Variants in LDB2 observed in about 807,000 individuals in gnomAD.
The protein encoded by LDB2 is LIM domain-binding protein 2.
A neutral mutation model predicts 44.3 loss-of-function variants in LDB2; 12 were observed. That is an observed-to-expected ratio of 0.27 (90% CI 0.17 to 0.44). LDB2 has a LOEUF of 0.44. Among genes scored for constraint, LDB2 ranks in the 20% least tolerant of loss-of-function variants. LDB2 has a pLI of 1.00. For synonymous variants in LDB2, 164 were observed against 174.8 expected (o/e 0.94, Z 0.49); for missense variants, 344 against 473.5 (o/e 0.73, Z 2.54).
At chr4:16,680,354 A>G (rs1030401854) in intron 2 of LDB2, among the ~76,000 whole-genome samples, 1 of 152,168 alleles carries the variant, frequency 6.6e-6, no homozygotes, top group African/African-American at 2.4e-5. Flanking sequence ...GCAGGGAAAC[A>G]CCATCTGCTT....
Position 16,689,858 on chromosome 4 carries a change from T to A in LDB2, c.235+69300A>T, listed in dbSNP as rs73799218. 2.7e-3 allele frequency among the ~76,000 whole-genome samples: 410 copies of A among 152,340 alleles called. 3 individuals carry two copies. The highest frequency in any genetic ancestry group is 9.1e-3 in the African/African-American group (379 of 41,576). ...CTAAATATTATACAACCTAATGACA[T>A]TGACCGTGTCTTAGAAACTTCTAAG... is the stretch of plus-strand genomic sequence containing the variant. On this transcript the variant is annotated intron_variant, in intron 2 of 7. Transcript: ENST00000304523.
chr4:16,544,994 G>A (rs1428811864), intron 5 of LDB2, among the ~76,000 whole-genome samples: 1 of 152,124 alleles, frequency 6.6e-6, no homozygotes, highest in Non-Finnish European at 1.5e-5. Flanking sequence ...AGAGAACAGC[G>A]AGTGAGGATA....
At chr4:16,560,094 AAT>A (rs1380230347) in intron 5 of LDB2, among the ~76,000 whole-genome samples, 1 of 152,210 alleles carries the variant, frequency 6.6e-6, no homozygotes, top group Non-Finnish European at 1.5e-5. Flanking sequence ...TATAGCACTA[AAT>A]GCCCACAAGA....
chr4:16,800,107 A>G (rs1427433158), intron 1 of LDB2, among the ~76,000 whole-genome samples: 1 of 151,972 alleles, frequency 6.6e-6, no homozygotes, highest in African/African-American at 2.4e-5. Flanking sequence ...ACAAATATAG[A>G]TTTCCAGAAC....
intron 5 of LDB2, among the ~76,000 whole-genome samples, chr4:16,534,265 A>G (rs1731019486): frequency 6.6e-6 from 1 of 152,184 alleles, no homozygotes; most frequent in Admixed American, 6.5e-5. Flanking sequence ...AATATCCTCG[A>G]TGTTCTCATT....
chr4:16,667,490 C>T (rs1034505448), intron 2 of LDB2, among the ~76,000 whole-genome samples: 10 of 152,196 alleles, frequency 6.6e-5, no homozygotes, highest in Admixed American at 3.9e-4. Flanking sequence ...TCTCCTGATT[C>T]TCCATTTGAT....
chr4:16,610,512 G>A (rs1725307402), intron 2 of LDB2, among the ~76,000 whole-genome samples: 1 of 152,090 alleles, frequency 6.6e-6, no homozygotes, highest in African/African-American at 2.4e-5. Context: ...GTTTAGAGAG[G>A]AACATAAATG....
chr4:16,808,285 T>C (rs997491129), intron 1 of LDB2, among the ~76,000 whole-genome samples: 2 of 152,238 alleles, frequency 1.3e-5, no homozygotes, highest in South Asian at 2.1e-4. Flanking sequence ...AAGAGAGTGA[T>C]AGATATGATT....
intron 2 of LDB2, among the ~76,000 whole-genome samples, chr4:16,662,209 T>C (rs976867283): frequency 2.0e-5 from 3 of 152,176 alleles, no homozygotes; most frequent in African/African-American, 7.2e-5. Context: ...CTTCAGTCCC[T>C]ACTCATCAGA....
At chr4:16,558,601 G>C (rs531263198) in intron 5 of LDB2, among the ~76,000 whole-genome samples, 88 of 152,346 alleles carry the variant, frequency 5.8e-4, no homozygotes, top group African/African-American at 2.1e-3. Flanking sequence ...ACCTGAAAGT[G>C]ACGGGGAGAA....
At chr4:16,505,238 T>TGTC (rs1322648513) in intron 7 of LDB2, among the ~76,000 whole-genome samples, 2 of 152,202 alleles carry the variant, frequency 1.3e-5, no homozygotes, top group African/African-American at 2.4e-5. Context: ...CTGGAAAAGA[T>TGTC]GTCTAGGCAT....
chr4:16,870,598 T>C (rs1185079788), intron 1 of LDB2, among the ~76,000 whole-genome samples: 1 of 151,910 alleles, frequency 6.6e-6, no homozygotes, highest in Non-Finnish European at 1.5e-5. Flanking sequence ...GTCCACTCCA[T>C]ACCCACAACA....
intron 1 of LDB2, among the ~76,000 whole-genome samples, chr4:16,855,555 C>T (rs941000445): frequency 1.3e-5 from 2 of 152,000 alleles, no homozygotes; most frequent in African/African-American, 4.8e-5. Context: ...GTATATTTGG[C>T]AGATATTTTC....
At chr4:16,788,136 C>T (rs1426696497) in intron 1 of LDB2, among the ~76,000 whole-genome samples, 4 of 152,186 alleles carry the variant, frequency 2.6e-5, no homozygotes, top group Non-Finnish European at 4.4e-5. Context: ...TGCGAGTTGG[C>T]GATCAAGATA....
At chr4:16,639,160 C>T (rs1734458155) in intron 2 of LDB2, among the ~76,000 whole-genome samples, 1 of 152,086 alleles carries the variant, frequency 6.6e-6, no homozygotes, top group African/African-American at 2.4e-5. Flanking sequence ...ATTTTTCCCC[C>T]TGAATGATTA....
At chr4:16,636,133 C>A (rs1733531420) in intron 2 of LDB2, among the ~76,000 whole-genome samples, 1 of 152,218 alleles carries the variant, frequency 6.6e-6, no homozygotes, top group South Asian at 2.1e-4. Flanking sequence ...TTGAGTTACA[C>A]TGGGGCAAAT....
At chr4:16,872,214 T>C (rs1398960888) in intron 1 of LDB2, among the ~76,000 whole-genome samples, 1 of 152,090 alleles carries the variant, frequency 6.6e-6, no homozygotes, top group African/African-American at 2.4e-5. Flanking sequence ...GGGTCTCTAC[T>C]CAGGGACATC....
intron 1 of LDB2, among the ~76,000 whole-genome samples, chr4:16,813,043 G>A (rs1188136281): frequency 2.0e-5 from 3 of 151,814 alleles, no homozygotes; most frequent in Non-Finnish European, 2.9e-5. Flanking sequence ...TGTCACCCAG[G>A]CTGGAGTGCA....
chr4:16,898,288 C>G, intron 1 of LDB2, 66 bp downstream of exon 1: 1 of 1,501,518 alleles, frequency 6.7e-7, no homozygotes, highest in Non-Finnish European at 9.1e-7. Context: ...GCCAGAAACC[C>G]TAGGAAAAGC....
Sources: allele counts gnomAD v4.1 joint callset (sites outside exome capture counted in the v4.1 genomes callset), GRCh38; gene constraint gnomAD v4.1.1; transcripts MANE v1.5; gene names NCBI Gene and HGNC (gene_info 2026-07-23, HGNC 2026-07-21).